The following ATXN1 variants were observed in gnomAD, a reference collection of about 807,000 sequenced individuals.
ATXN1 encodes ataxin 1, also known as ataxin-1.
ATXN1 carries 8 observed loss-of-function variants against 56.4 expected under a neutral mutation model. The ratio of observed to expected loss-of-function variants is 0.14; its 90% confidence interval spans 0.08 to 0.26. The LOEUF (loss-of-function observed/expected upper bound fraction) is 0.26. ATXN1 is among the 10% of genes least tolerant of loss of function. The pLI is 1.00. For synonymous variants in ATXN1, 514 were observed against 494.6 expected (o/e 1.04, Z -0.52); for missense variants, 987 against 1,106.5 (o/e 0.89, Z 1.53).
chr6:16,412,524 A>C (rs899534354), intron 6 of ATXN1, among the ~76,000 whole-genome samples: 8 of 152,158 alleles, frequency 5.3e-5, no homozygotes, highest in Non-Finnish European at 1.2e-4. Flanking sequence ...ATATCCATAC[A>C]ATTCTATCCA....
chr6:16,647,847 G>A (rs982207037), intron 3 of ATXN1, among the ~76,000 whole-genome samples: 2 of 152,170 alleles, frequency 1.3e-5, no homozygotes, highest in Admixed American at 6.5e-5. Context: ...AGGCTGAGAC[G>A]GGTGGATCAT....
chr6:16,454,334 C>T (rs1759823423), intron 6 of ATXN1, among the ~76,000 whole-genome samples: 1 of 152,054 alleles, frequency 6.6e-6, no homozygotes, highest in Non-Finnish European at 1.5e-5. Flanking sequence ...TGTGCCAGTG[C>T]TTGGGGCTTG....
chr6:16,716,410 T>A (rs915918171), intron 2 of ATXN1, among the ~76,000 whole-genome samples: 1 of 152,198 alleles, frequency 6.6e-6, no homozygotes, highest in African/African-American at 2.4e-5. Context: ...ACTCACAACG[T>A]CCTCCAAAAG....
At chr6:16,441,570 C>G (rs933993684) in intron 6 of ATXN1, among the ~76,000 whole-genome samples, 1 of 150,660 alleles carries the variant, frequency 6.6e-6, no homozygotes, top group African/African-American at 2.4e-5. Context: ...TTCAAAAGAG[C>G]TAAAAGAAAA....
chr6:16,468,867 C>T (rs1325269981), intron 6 of ATXN1, among the ~76,000 whole-genome samples: 2 of 151,528 alleles, frequency 1.3e-5, no homozygotes, highest in African/African-American at 4.9e-5. Flanking sequence ...CACAAACTTA[C>T]TTAGATCGAT....
At chr6:16,759,530 G>GT (rs1046854905) in intron 1 of ATXN1, among the ~76,000 whole-genome samples, 2,447 of 45,982 alleles carry the variant, frequency 0.053, 869 homozygotes, top group African/African-American at 0.072. Context: ...TCTTCCGACT[G>GT]TTTTTTTTTT....
chr6:16,507,474 T>C (rs1761000762), intron 5 of ATXN1, among the ~76,000 whole-genome samples: 2 of 152,204 alleles, frequency 1.3e-5, no homozygotes, highest in Admixed American at 6.5e-5. Flanking sequence ...TCAATCACTA[T>C]ATTAGTGTTT....
chr6:16,574,193 A>T (rs1471923176), intron 4 of ATXN1, among the ~76,000 whole-genome samples: 1 of 151,688 alleles, frequency 6.6e-6, no homozygotes, highest in Admixed American at 6.6e-5. Context: ...TGCCTAGCTA[A>T]TTTTTGTATT....
At chr6:16,565,708 A>G (rs1472753040) in intron 4 of ATXN1, among the ~76,000 whole-genome samples, 2 of 152,232 alleles carry the variant, frequency 1.3e-5, no homozygotes, top group Non-Finnish European at 2.9e-5. Context: ...ACATTGCTCA[A>G]AAAATTTCCA....
intron 4 of ATXN1, among the ~76,000 whole-genome samples, chr6:16,524,579 T>A (rs1403826301): frequency 6.6e-6 from 1 of 152,208 alleles, no homozygotes; most frequent in Non-Finnish European, 1.5e-5. Flanking sequence ...CTTTCCTCAT[T>A]TGTATAATGG....
At chr6:16,423,859 T>C (rs1026240417) in intron 6 of ATXN1, among the ~76,000 whole-genome samples, 2 of 152,230 alleles carry the variant, frequency 1.3e-5, no homozygotes, top group African/African-American at 4.8e-5. Context: ...ACAATGGTGT[T>C]TTTATGCATC....
intron 4 of ATXN1, among the ~76,000 whole-genome samples, chr6:16,523,186 G>A (rs1170675636): frequency 6.6e-6 from 1 of 152,160 alleles, no homozygotes; most frequent in Non-Finnish European, 1.5e-5. Context: ...ACAGGTTTGA[G>A]CCATCGTACC....
At chr6:16,323,713 A>G (rs1192432174) in intron 7 of ATXN1, among the ~76,000 whole-genome samples, 1 of 152,068 alleles carries the variant, frequency 6.6e-6, no homozygotes, top group Non-Finnish European at 1.5e-5. Context: ...TCTGTTCACA[A>G]AAATGTGTTA....
chr6:16,485,605 T>C (rs1760528443), intron 6 of ATXN1: 1 of 152,092 alleles, frequency 6.6e-6, no homozygotes. Context: ...TACCCCCTAC[T>C]CACCAACCTA....
intron 6 of ATXN1, among the ~76,000 whole-genome samples, chr6:16,425,360 T>C (rs556424092): frequency 9.6e-4 from 146 of 152,348 alleles, no homozygotes; most frequent in African/African-American, 3.4e-3. Flanking sequence ...AAAGGAGAAT[T>C]TGAATAGCAT....
intron 2 of ATXN1, among the ~76,000 whole-genome samples, chr6:16,663,047 G>A (rs540343758): frequency 6.2e-5 from 9 of 144,142 alleles, no homozygotes; most frequent in Non-Finnish European, 1.0e-4. Context: ...ATGTCGGCTC[G>A]CTGCAACCTC....
intron 5 of ATXN1, among the ~76,000 whole-genome samples, chr6:16,515,629 G>A (rs1240677938): frequency 6.6e-6 from 1 of 152,086 alleles, no homozygotes; most frequent in Non-Finnish European, 1.5e-5. Flanking sequence ...TTCTCTCTAT[G>A]AGCTGTCCAT....
chr6:16,579,018 T>A (rs185690269), intron 4 of ATXN1, among the ~76,000 whole-genome samples: 40 of 152,326 alleles, frequency 2.6e-4, no homozygotes, highest in African/African-American at 9.1e-4. Flanking sequence ...TTCCCCAAAC[T>A]GTCATATAAG....
rs1277867508 is a variant in ATXN1 at position 16,538,142 on chromosome 6, C to T, written c.-360-15454G>A. ...TCCACTGAAAATAGGAATTTCCTTT[C>T]TCTCTTTGCCCTCAAGACCTTCACC... is the stretch of plus-strand genomic sequence containing the variant. On this transcript the variant is annotated intron_variant, in intron 4 of 7. Transcript: ENST00000436367. Among the ~76,000 whole-genome samples the T allele has an allele frequency of 6.6e-5, 10 of 152,346 alleles. 1 individual carries two copies. The East Asian group carries it at 1.9e-3, about 29-fold the overall frequency.
Sources: allele counts gnomAD v4.1 joint callset (sites outside exome capture counted in the v4.1 genomes callset), GRCh38; gene constraint gnomAD v4.1.1; transcripts MANE v1.5; gene names NCBI Gene and HGNC (gene_info 2026-07-23, HGNC 2026-07-21).